XIRP2: variants seen among roughly 807,000 people sequenced by gnomAD.
XIRP2 encodes the protein xin actin-binding repeat-containing protein 2.
In XIRP2, 236 loss-of-function variants were observed where a neutral mutation model predicts 277.0. That is an observed-to-expected ratio of 0.85 (90% CI 0.77 to 0.95). XIRP2 has a LOEUF of 0.95. XIRP2 is among the 40% of genes least tolerant of loss of function. XIRP2 has a pLI of 0.00. For synonymous variants in XIRP2, 1,490 were observed against 1,416.5 expected, an observed-to-expected ratio of 1.05 and a Z score of -1.17; for missense variants, 4,640 against 4,157.5, an observed-to-expected ratio of 1.12 and a Z score of -3.19.
At position 166,998,530 on chromosome 2, in the gene XIRP2, G is replaced by A. The variant is rs145084747; in HGVS notation, c.408+94640G>A. Among the ~76,000 whole-genome samples, 482 of 152,110 alleles carry A rather than the reference G, an allele frequency of 3.2e-3. 4 individuals are homozygous for A. The highest frequency in any genetic ancestry group is 0.011 in the African/African-American group (457 of 41,506). On this transcript the variant is annotated intron_variant, in intron 2 of 10. Coordinates refer to ENST00000409195, the MANE Select transcript of XIRP2 (RefSeq NM_152381.6). ...CAGGTGCCTGTAGTCCCAGCTACTC[G>A]GGAGGCTGAGGTAGGAGAATGGCGT...
At chr2:166,913,315 C>CCG (rs1574073717) in intron 2 of XIRP2, among the ~76,000 whole-genome samples, 1 of 130,434 alleles carries the variant, frequency 7.7e-6, no homozygotes, top group East Asian at 3.1e-4. Flanking sequence ...TGGGCACCCC[C>CCG]CCCCCCCAGC....
In XIRP2 at chr2:167,249,735, A is replaced by G. The variant is rs531584383; in HGVS notation, c.8343A>G (p.Thr2781=). The G allele has an allele frequency of 1.8e-4, 284 of 1,613,404 alleles. No individual in the cohort carries two copies. In the South Asian group the frequency reaches 2.7e-3, roughly 15 times the overall value. Residue 2781 remains threonine, a synonymous_variant, in exon 9 of 11, where the codon ACA becomes ACG. Coordinates refer to ENST00000409195, the MANE Select transcript of XIRP2 (RefSeq NM_152381.6). ...TACCTAAGAAGGAGAAAAGAGTGAC[A>G]GTACAATTGCCTACAGAATCCATAC... ...YQLPKKEKRV[T]VQLPTESIQK...
chr2:167,027,771 C>A (rs537278246), intron 2 of XIRP2, among the ~76,000 whole-genome samples: 1 of 151,938 alleles, frequency 6.6e-6, no homozygotes, highest in African/African-American at 2.4e-5. Context: ...TAGAGGTCCA[C>A]TCCAGACCCT....
At position 167,201,217 on chromosome 2, in the gene XIRP2, A is replaced by G. The variant is rs545213688; in HGVS notation, c.563-9518A>G. 1.4e-4 allele frequency among the ~76,000 whole-genome samples: 15 copies of G among 110,006 alleles called. 1 individual carries two copies. Among genetic ancestry groups the G allele is most frequent in the Admixed American group, 2.6e-4 (3 of 11,378 alleles). The allele number at this position is 110,006 out of a possible 152,430, so 72.2% of individuals were successfully genotyped here. A position where few individuals can be genotyped will look rare whatever the true frequency, so the allele number is the denominator to read the frequency against. On this transcript the variant is annotated intron_variant, in intron 3 of 10. Coordinates refer to ENST00000409195, the MANE Select transcript of XIRP2 (RefSeq NM_152381.6). ...AAGAAAGAAAGAAAGAAAGAAAGAAAGAAAGAAAGAAAGAAAGAAAGAAAG... is the reference window on the plus strand; with the variant it reads ...AAGAAAGAAAGAAAGAAAGAAAGAAGGAAAGAAAGAAAGAAAGAAAGAAAG...
Position 167,117,907 on chromosome 2 carries a change from C to T in XIRP2, c.409-18002C>T, listed in dbSNP as rs139377987. 5.5e-3 allele frequency among the ~76,000 whole-genome samples: 844 copies of T among 152,242 alleles called. 3 individuals are homozygous for T. The highest frequency in any genetic ancestry group is 0.01 in the Middle Eastern group (3 of 294). On this transcript the variant is annotated intron_variant, in intron 2 of 10. Coordinates refer to ENST00000409195, the MANE Select transcript of XIRP2 (RefSeq NM_152381.6). ...ATAAATGACCTGGCACTTTACTTTC[C>T]GGTAAGTTGTCTCTTATACCCTTTG...
At chr2:167,012,228 T>C (rs1687701101) in intron 2 of XIRP2, among the ~76,000 whole-genome samples, 1 of 151,950 alleles carries the variant, frequency 6.6e-6, no homozygotes, top group South Asian at 2.1e-4. Context: ...ACACACTGCT[T>C]TGAATGTGTC....
intron 5 of XIRP2, among the ~76,000 whole-genome samples, chr2:167,219,308 GA>G (rs1290122606): frequency 3.9e-5 from 6 of 152,172 alleles, no homozygotes; most frequent in African/African-American, 1.2e-4. Flanking sequence ...AAGAAATTAA[GA>G]TTAAGATACT....
chr2:167,207,239 A>G lies in XIRP2; in HGVS notation c.563-3496A>G, dbSNP rs377343863. On this transcript the variant is annotated intron_variant, in intron 3 of 10. Coordinates refer to ENST00000409195, the MANE Select transcript of XIRP2 (RefSeq NM_152381.6). ...TTGAAATTTCTTGTACAGCTAGTTT[A>G]GGATGGTTCATAACAAATCTATCAA... 1.3e-3 allele frequency among the ~76,000 whole-genome samples: 199 copies of G among 152,322 alleles called. 4 individuals are homozygous for G. In the East Asian group the frequency reaches 0.03, roughly 23 times the overall value.
intron 2 of XIRP2, among the ~76,000 whole-genome samples, chr2:167,039,437 C>G (rs945550985): frequency 9.9e-5 from 15 of 152,180 alleles, no homozygotes; most frequent in Admixed American, 3.9e-4. Flanking sequence ...TAAGAGAAAA[C>G]AAGATCAAGG....
intron 2 of XIRP2, among the ~76,000 whole-genome samples, chr2:166,915,739 T>G (rs1684855122): frequency 6.6e-6 from 1 of 152,206 alleles, no homozygotes; most frequent in African/African-American, 2.4e-5. Flanking sequence ...TTACAGTAGA[T>G]TACTTAATGA....
chr2:167,059,693 A>G (rs1055864355), intron 2 of XIRP2, among the ~76,000 whole-genome samples: 3 of 152,178 alleles, frequency 2.0e-5, no homozygotes, highest in Non-Finnish European at 2.9e-5. Flanking sequence ...AAAGAAAGCT[A>G]CATACTTAGG....
chr2:167,009,727 T>C (rs1687610977), intron 2 of XIRP2, among the ~76,000 whole-genome samples: 1 of 152,092 alleles, frequency 6.6e-6, no homozygotes, highest in South Asian at 2.1e-4. Context: ...CCAGCACCTG[T>C]TGTTTCCTGA....
At position 167,245,452 on chromosome 2, in the gene XIRP2, T is replaced by G; in HGVS notation, c.4060T>G (p.Phe1354Val). Residue 1354 changes from phenylalanine to valine, a missense_variant, in exon 9 of 11, where the codon TTT (phenylalanine) becomes GTT (valine). Transcript: ENST00000409195. ...AGATGTGCGAGGAACAAGGTGGCTT[T>G]TTGAAACAAAGCCATTAGACTCTAT... Reference protein sequence around the residue: ...HGDVRGTRWLFETKPLDSINK... With the variant: ...HGDVRGTRWLVETKPLDSINK... The G allele has an allele frequency of 6.2e-7, 1 of 1,613,622 alleles. No homozygotes were observed. Among genetic ancestry groups the G allele is most frequent in the Non-Finnish European group, 8.5e-7 (1 of 1,179,720 alleles).
intron 3 of XIRP2, chr2:167,187,141 T>C (rs2105362269): frequency 1.8e-6 from 1 of 551,944 alleles, no homozygotes; most frequent in South Asian, 7.9e-5. Flanking sequence ...AAATTCAGAG[T>C]TGGCTGGTGG....
chr2:166,998,650 A>C (rs1478278904), intron 2 of XIRP2, among the ~76,000 whole-genome samples: 1 of 152,156 alleles, frequency 6.6e-6, no homozygotes, highest in Non-Finnish European at 1.5e-5. Flanking sequence ...AAAACAAAAC[A>C]AAATGAAAAC....
chr2:167,090,771 A>G (rs1388129507), intron 2 of XIRP2, among the ~76,000 whole-genome samples: 2 of 152,042 alleles, frequency 1.3e-5, no homozygotes, highest in Admixed American at 6.6e-5. Context: ...AGGGGAACCA[A>G]TCCATTCCTG....
At chr2:167,135,797 C>T (rs759081665) in intron 2 of XIRP2, 112 bp from the exon 3 acceptor site, 6 of 1,053,922 alleles carry the variant, frequency 5.7e-6, no homozygotes, top group Admixed American at 2.9e-5. Flanking sequence ...GAAAACATCC[C>T]TCATGACAGA....
chr2:167,092,331 T>C (rs75303456), intron 2 of XIRP2, among the ~76,000 whole-genome samples: 4,790 of 152,184 alleles, frequency 0.031, 104 homozygotes, highest in East Asian at 0.051. Flanking sequence ...TCTTAATTTT[T>C]CCATCTGCAA....
At chr2:166,901,080 A>T (rs191308953) in intron 1 of XIRP2, among the ~76,000 whole-genome samples, 84 of 152,170 alleles carry the variant, frequency 5.5e-4, no homozygotes, top group African/African-American at 2.0e-3. Flanking sequence ...GTGGTTTTTC[A>T]TGTTGTTTGC....
Sources: allele counts gnomAD v4.1 joint callset (sites outside exome capture counted in the v4.1 genomes callset), GRCh38; gene constraint gnomAD v4.1.1; transcripts MANE v1.5; gene names NCBI Gene and HGNC (gene_info 2026-07-23, HGNC 2026-07-21).